Variants in YJU2 observed in about 807,000 individuals in gnomAD.
YJU2 encodes YJU2 splicing factor homolog, also known as splicing factor YJU2.
Under a neutral mutation model 39.6 loss-of-function variants are expected in YJU2, and 28 were observed. That is an observed-to-expected ratio of 0.71 (90% CI 0.52 to 0.97). YJU2 has a LOEUF of 0.97. Ranked by LOEUF, YJU2 falls within the 50% of genes least tolerant of loss-of-function variation. The pLI is 0.00. For synonymous variants in YJU2, 184 were observed against 182.4 expected (o/e 1.01, Z -0.07); for missense variants, 328 against 430.4 (o/e 0.76, Z 2.11).
chr19:4,264,814 G>A (rs982004282), intron 6 of YJU2, among the ~76,000 whole-genome samples: 40 of 151,344 alleles, frequency 2.6e-4, no homozygotes, highest in African/African-American at 9.5e-4. Flanking sequence ...TTTTTGCAGA[G>A]ATGCGGTCTT....
Position 4,267,158 on chromosome 19 carries a change from G to A in YJU2, c.709-466G>A, listed in dbSNP as rs942139740. Among the ~76,000 whole-genome samples the A allele has an allele frequency of 4.6e-5, 7 of 152,252 alleles. No individual in the cohort carries two copies. In the East Asian group the frequency reaches 1.2e-3, roughly 25 times the overall value. On this transcript the variant is annotated intron_variant, in intron 6 of 7. Transcript: ENST00000262962. ...GCACCGCAGAGCCAGCAGTGGGGAA[G>A]ACAGGAGCTCACGGCAGAGTTGGGG...
chr19:4,247,207 A>G, intron 1 of YJU2, 37 bp downstream of exon 1: 1 of 1,592,566 alleles, frequency 6.3e-7, no homozygotes, highest in Non-Finnish European at 8.6e-7. Context: ...CAATCGGAGC[A>G]GGACATCCCG....
intron 6 of YJU2, 123 bp downstream of exon 6, chr19:4,262,237 C>T (rs183912303): frequency 5.0e-4 from 536 of 1,072,490 alleles, no homozygotes; most frequent in East Asian, 4.4e-3. Flanking sequence ...CTCGCTCTGT[C>T]GCCTAGGCTG....
chr19:4,255,793 G>C (rs559302043), intron 4 of YJU2, among the ~76,000 whole-genome samples: 1 of 150,938 alleles, frequency 6.6e-6, no homozygotes, highest in South Asian at 2.1e-4. Flanking sequence ...GATCACCTGA[G>C]GTCAGGAGTT....
intron 5 of YJU2, among the ~76,000 whole-genome samples, chr19:4,258,972 G>A (rs1971047489): frequency 6.6e-6 from 1 of 152,044 alleles, no homozygotes; most frequent in African/African-American, 2.4e-5. Flanking sequence ...CCATGAGGGT[G>A]GGAGGCCCCC....
chr19:4,268,508 G>A, intron 7 of YJU2, 76 bp from the exon 8 acceptor site: 1 of 1,030,320 alleles, frequency 9.7e-7, no homozygotes, highest in Non-Finnish European at 1.5e-6. Context: ...AACCTGCAGA[G>A]GTGGCCGGCC....
chr19:4,247,572 TGGG>T (rs1970931108), intron 1 of YJU2, among the ~76,000 whole-genome samples: 1 of 13,760 alleles, frequency 7.3e-5, no homozygotes, highest in African/African-American at 4.6e-4. Flanking sequence ...TGGGGTGGGG[TGGG>T]GTGGCGCGTG....
chr19:4,254,875 G>A (rs1320770356), intron 4 of YJU2, among the ~76,000 whole-genome samples: 1 of 152,000 alleles, frequency 6.6e-6, no homozygotes, highest in Non-Finnish European at 1.5e-5. Context: ...GACCAACATG[G>A]TGAAACCCCG....
At chr19:4,251,209 C>G (rs780203449) in intron 3 of YJU2, 38 bp downstream of exon 3, 3 of 1,605,088 alleles carry the variant, frequency 1.9e-6, no homozygotes. Context: ...CCCTCTCCCC[C>G]AGCACACCTC....
chr19:4,247,580 C>CGTGGCGTGGCGTG lies in YJU2; in HGVS notation c.24+411_24+412insTGGCGTGGCGTGG, dbSNP rs202183584. 4.7e-3 allele frequency among the ~76,000 whole-genome samples: 215 copies of CGTGGCGTGGCGTG among 46,140 alleles called. 10 individuals are homozygous for CGTGGCGTGGCGTG. Among genetic ancestry groups the CGTGGCGTGGCGTG allele is most frequent in the African/African-American group, 0.011 (88 of 7,850 alleles). 30.3% of individuals were successfully genotyped at this position (46,140 alleles called of 152,430 possible). On this transcript the variant is annotated intron_variant, in intron 1 of 7. Coordinates refer to ENST00000262962, the MANE Select transcript of YJU2 (RefSeq NM_018074.6). ...CTTTGGGTGGGGTGGGGTGGGGTGG[C>CGTGGCGTGGCGTG]GCGTGTGTGTGTGTGTGTGTGTGTG...
At chr19:4,263,947 C>T (rs894817091) in intron 6 of YJU2, among the ~76,000 whole-genome samples, 34 of 151,706 alleles carry the variant, frequency 2.2e-4, no homozygotes, top group African/African-American at 7.7e-4. Flanking sequence ...GGCTCATAAA[C>T]CAATAACACA....
intron 5 of YJU2, 106 bp downstream of exon 5, chr19:4,258,529 A>G (rs907655980): frequency 6.9e-7 from 1 of 1,441,586 alleles, no homozygotes; most frequent in East Asian, 2.5e-5. Context: ...TCGCCTTTGC[A>G]AGGACCCCTT....
intron 3 of YJU2, 137 bp downstream of exon 3, chr19:4,251,308 G>A (rs1220572914): frequency 7.0e-6 from 6 of 862,818 alleles, no homozygotes; most frequent in Non-Finnish European, 1.1e-5. Context: ...ACAGACAACA[G>A]TTTGGGGGAG....
chr19:4,249,479 G>A (rs1455591915), intron 2 of YJU2, 151 bp downstream of exon 2: 5 of 578,852 alleles, frequency 8.6e-6, no homozygotes, highest in South Asian at 2.3e-5. Flanking sequence ...ACCCTCCTTC[G>A]CCTCACCACT....
chr19:4,250,919 C>G, intron 2 of YJU2, 108 bp from the exon 3 acceptor site: 1 of 1,265,330 alleles, frequency 7.9e-7, no homozygotes. Context: ...GGGAGCTCCC[C>G]GTTGCTGGAG....
chr19:4,252,558 C>T (rs1004809068), intron 3 of YJU2, among the ~76,000 whole-genome samples: 1 of 151,910 alleles, frequency 6.6e-6, no homozygotes, highest in Non-Finnish European at 1.5e-5. Flanking sequence ...GAGCTGAGAT[C>T]GCGCCACTGC....
intron 3 of YJU2, among the ~76,000 whole-genome samples, chr19:4,253,212 C>CACACACAA (rs1418094052): frequency 6.6e-6 from 1 of 150,466 alleles, no homozygotes; most frequent in African/African-American, 2.5e-5. Context: ...CACACACACA[C>CACACACAA]ACACACACAC....
intron 3 of YJU2, among the ~76,000 whole-genome samples, chr19:4,253,198 T>TAAAC: frequency 7.2e-6 from 1 of 139,160 alleles, no homozygotes; most frequent in East Asian, 2.1e-4. Context: ...TGTCCGTGTC[T>TAAAC]ACACACACAC....
intron 1 of YJU2, chr19:4,247,392 A>C: frequency 2.0e-6 from 1 of 498,744 alleles, no homozygotes. Context: ...GTAGTTAGTC[A>C]CCTGCGGGGC....
Sources: allele counts gnomAD v4.1 joint callset (sites outside exome capture counted in the v4.1 genomes callset), GRCh38; gene constraint gnomAD v4.1.1; transcripts MANE v1.5; gene names NCBI Gene and HGNC (gene_info 2026-07-23, HGNC 2026-07-21).